NASP: variants seen among roughly 807,000 people sequenced by gnomAD.
NASP encodes the protein NASP histone chaperone.
A neutral mutation model predicts 89.5 loss-of-function variants in NASP; 24 were observed. The observed-to-expected ratio is 0.27, with a 90% CI of 0.19 to 0.38. The LOEUF (loss-of-function observed/expected upper bound fraction) is 0.38, where lower values mean the gene tolerates loss of function less well. NASP is among the 10% of genes least tolerant of loss of function. The pLI is 1.00. For missense variants in NASP, 848 were observed against 921.4 expected (o/e 0.92, Z 1.03); for synonymous variants, 306 against 324.7 (o/e 0.94, Z 0.62).
At chr1:45,607,273 C>G (rs1229572639) in intron 5 of NASP, 48 bp from the exon 6 acceptor site, 3 of 1,573,126 alleles carry the variant, frequency 1.9e-6, no homozygotes, top group Non-Finnish European at 2.6e-6. Context: ...ATGCCTTTAT[C>G]ATTAAACTCG....
intron 3 of NASP, 53 bp from the exon 4 acceptor site, chr1:45,604,877 GAACTAA>G: frequency 7.9e-7 from 1 of 1,270,002 alleles, no homozygotes; most frequent in Non-Finnish European, 1.1e-6. Flanking sequence ...TGAAGAACTA[GAACTAA>G]ATGTTTTAGA....
At chr1:45,603,299 A>G (rs1017245509) in intron 3 of NASP, among the ~76,000 whole-genome samples, 6 of 152,254 alleles carry the variant, frequency 3.9e-5, no homozygotes, top group African/African-American at 1.2e-4. Context: ...AGCAATTGCA[A>G]TTGAACTTGA....
intron 1 of NASP, among the ~76,000 whole-genome samples, chr1:45,590,281 A>T (rs1643500635): frequency 6.6e-6 from 1 of 152,106 alleles, no homozygotes; most frequent in African/African-American, 2.4e-5. Flanking sequence ...GCGGTGGCTC[A>T]CGCCTGTATT....
In NASP at chr1:45,584,203, C is replaced by A; in HGVS notation, c.57C>A (p.Asp19Glu). ...TCGCCGCGGAGCTGGTTTCTGCCGA[C>A]AAGTAAGCGGGACTGTGGAAAGCTT... is the stretch of plus-strand genomic sequence containing the variant. ...AAVAAELVSA[D>E]KIEDVPAPST... The change falls in exon 1 of 15, where the codon GAC (aspartate) becomes GAA (glutamate). Residue 19 changes from aspartate to glutamate, a missense_variant and splice_region_variant. Asp to Glu is a conservative substitution (Grantham distance 45, BLOSUM62 2). This residue lies in a region of NASP where 89 missense variants were observed against 79.2 expected (regional missense o/e 1.12). Coordinates refer to ENST00000350030, the MANE Select transcript of NASP (RefSeq NM_002482.4). The A allele has an allele frequency of 6.3e-7, 1 of 1,587,568 alleles. No homozygotes were observed. The highest frequency in any genetic ancestry group is 8.6e-7 in the Non-Finnish European group (1 of 1,166,680).
At chr1:45,594,164 A>AG (rs1461554038) in intron 2 of NASP, among the ~76,000 whole-genome samples, 1 of 43,024 alleles carries the variant, frequency 2.3e-5, no homozygotes, top group Non-Finnish European at 5.2e-5. Flanking sequence ...CGTCTCTACT[A>AG]AAAAAGATAC....
intron 13 of NASP, 92 bp from the exon 14 acceptor site, chr1:45,617,371 T>A: frequency 6.9e-7 from 1 of 1,439,704 alleles, no homozygotes; most frequent in Non-Finnish European, 9.5e-7. Flanking sequence ...ATGTTCAGGA[T>A]CTTTGCACCA....
At chr1:45,604,406 A>G (rs181605639) in intron 3 of NASP, among the ~76,000 whole-genome samples, 69 of 152,346 alleles carry the variant, frequency 4.5e-4, no homozygotes, top group South Asian at 3.1e-3. Flanking sequence ...AGTTCTTGCA[A>G]TAGCTCTTTG....
At chr1:45,602,795 A>G (rs1243402679) in intron 3 of NASP, among the ~76,000 whole-genome samples, 1 of 151,878 alleles carries the variant, frequency 6.6e-6, no homozygotes, top group Non-Finnish European at 1.5e-5. Context: ...TAATTTTTGT[A>G]TTTCTTTTGG....
chr1:45,603,279 A>G (rs1160724364), intron 3 of NASP, among the ~76,000 whole-genome samples: 2 of 152,256 alleles, frequency 1.3e-5, no homozygotes, highest in African/African-American at 2.4e-5. Flanking sequence ...GTTTCCTCAA[A>G]TATAGTATTA....
At chr1:45,600,418 G>T in intron 2 of NASP, 1 of 1,290,506 alleles carries the variant, frequency 7.7e-7, no homozygotes, top group Non-Finnish European at 1.0e-6. Flanking sequence ...ACTGAAGATG[G>T]GTTGCATTTT....
chr1:45,603,743 G>A (rs1570978485), intron 3 of NASP, among the ~76,000 whole-genome samples: 1 of 151,716 alleles, frequency 6.6e-6, no homozygotes, highest in African/African-American at 2.4e-5. Flanking sequence ...CCAAGTAGCT[G>A]GGATTACAGG....
intron 1 of NASP, among the ~76,000 whole-genome samples, chr1:45,586,286 T>TGTGTGTGTGTGGG (rs1644544146): frequency 7.9e-5 from 7 of 88,372 alleles, no homozygotes; most frequent in African/African-American, 3.7e-4. Flanking sequence ...GTGTGTGTGG[T>TGTGTGTGTGTGGG]GTGTGTGTGT....
intron 6 of NASP, chr1:45,610,645 G>T (rs1356377088): frequency 6.6e-6 from 1 of 152,238 alleles, no homozygotes; most frequent in Non-Finnish European, 1.5e-5. Context: ...TTGCCAGGCT[G>T]GAGTACAGTG....
intron 4 of NASP, 78 bp downstream of exon 4, chr1:45,605,094 C>G (rs1408430550): frequency 8.5e-7 from 1 of 1,178,602 alleles, no homozygotes; most frequent in East Asian, 2.3e-5. Context: ...AGGAGCTAAG[C>G]AAGATTGGTT....
chr1:45,617,633 G>A, intron 14 of NASP, 42 bp downstream of exon 14: 2 of 1,534,618 alleles, frequency 1.3e-6, no homozygotes, highest in Non-Finnish European at 8.7e-7. Flanking sequence ...CTCATTCCTT[G>A]TTCTCAGGAC....
At chr1:45,615,539 G>T in intron 11 of NASP, 68 bp downstream of exon 11, 1 of 1,472,962 alleles carries the variant, frequency 6.8e-7, no homozygotes, top group South Asian at 1.3e-5. Flanking sequence ...TATTTGCCAG[G>T]AACTTTTCAT....
At position 45,616,989 on chromosome 1, in the gene NASP, C is replaced by T. The variant is rs553627950; in HGVS notation, c.2157+286C>T. ...CTTCCCAAGTAGCTGGGATTACAGG[C>T]GCCCGCCACCACGCCTGGCTAGTTT... On this transcript the variant is annotated intron_variant, in intron 13 of 14. Transcript: ENST00000350030. Among the ~76,000 whole-genome samples, 12 of 152,252 alleles carry T rather than the reference C, an allele frequency of 7.9e-5. No individual in the cohort carries two copies. In the South Asian group the frequency reaches 2.1e-3, roughly 26 times the overall value.
At position 45,591,269 on chromosome 1, in the gene NASP, A is replaced by G; in HGVS notation, c.106A>G (p.Ser36Gly). ...APSTSADKVE[S>G]LDVDSEAKKL... ...TTCTACATCTGCAGATAAAGTGGAGAGGTAAGATTATTTACATGGTAGTTA... is the reference window on the plus strand; with the variant it reads ...TTCTACATCTGCAGATAAAGTGGAGGGGTAAGATTATTTACATGGTAGTTA... Residue 36 changes from serine to glycine, a missense_variant and splice_region_variant, in exon 2 of 15, where the codon AGT becomes GGT. By Grantham distance (56) the Ser-to-Gly change is moderately conservative. This residue lies in a region of NASP where 89 missense variants were observed against 79.2 expected (regional missense o/e 1.12). Coordinates refer to ENST00000350030, the MANE Select transcript of NASP (RefSeq NM_002482.4). 3.9e-6 allele frequency: 6 copies of G among 1,526,814 alleles called. No homozygotes were observed. Among genetic ancestry groups the G allele is most frequent in the Non-Finnish European group, 5.3e-6 (6 of 1,131,228 alleles). The allele number at this position is 1,526,814 out of a possible 1,614,324, so 94.6% of individuals were successfully genotyped here.
Position 45,608,119 on chromosome 1 carries a change from A to T in NASP, c.1208A>T (p.Glu403Val). 6.2e-7 allele frequency: 1 copy of T among 1,614,102 alleles called. No individual in the cohort carries two copies. The change falls in exon 6 of 15, where the codon GAA becomes GTA. Residue 403 changes from glutamate to valine, a missense_variant. Physicochemically the swap from Glu to Val is moderately radical, Grantham distance 121 (BLOSUM62 -2). Around this residue, in one of 5 missense-constraint regions of NASP, gnomAD observed 464 missense variants for 469.4 expected, o/e 0.99. Coordinates refer to ENST00000350030, the MANE Select transcript of NASP (RefSeq NM_002482.4). Reference sequence around the variant, plus strand: ...CAGACTTCTATAGAAAGACTGACAGAAACAAAAGATGGCTCAGGACTAGAG... The same window carrying T: ...CAGACTTCTATAGAAAGACTGACAGTAACAAAAGATGGCTCAGGACTAGAG... ...EPQTSIERLTETKDGSGLEEK... is the reference protein window; with the variant it reads ...EPQTSIERLTVTKDGSGLEEK...
Sources: allele counts gnomAD v4.1 joint callset (sites outside exome capture counted in the v4.1 genomes callset), GRCh38; gene constraint gnomAD v4.1.1; regional missense constraint gnomAD v4.1.1; transcripts MANE v1.5; gene names NCBI Gene and HGNC (gene_info 2026-07-23, HGNC 2026-07-21).